The following CNTN6 variants were observed in gnomAD, a reference collection of about 807,000 sequenced individuals.
The protein encoded by CNTN6 is contactin 6, also known as contactin-6.
In CNTN6, 137 loss-of-function variants were observed where a neutral mutation model predicts 122.8. The observed-to-expected ratio is 1.12, with a 90% CI of 0.97 to 1.29. The LOEUF (loss-of-function observed/expected upper bound fraction) is 1.29, where lower values mean the gene tolerates loss of function less well. CNTN6 is among the 50% of genes most tolerant of loss of function. CNTN6 has a pLI of 0.00. For missense variants in CNTN6, 1,634 were observed against 1,223.4 expected (o/e 1.34, Z -5.01); for synonymous variants, 570 against 426.0 (o/e 1.34, Z -4.16).
Position 1,373,682 on chromosome 3 carries a change from C to A in CNTN6, c.1865C>A (p.Pro622Gln), listed in dbSNP as rs2126144216. 1.2e-6 allele frequency: 2 copies of A among 1,612,980 alleles called. No homozygotes were observed. The highest frequency in any genetic ancestry group is 1.7e-6 in the Non-Finnish European group (2 of 1,179,312). The stretch of plus-strand genomic sequence containing the variant: ...TCTCAACTAAGTTGGAGAGCAGGCC[C>A]AGATAATAACAGTCCCATTCAAATA... ...TTSQLSWRAG[P>Q]DNNSPIQIFT... Residue 622 changes from proline (P) to glutamine (Q), a missense_variant, in exon 15 of 23, where the codon CCA becomes CAA. Pro to Gln is a moderately conservative substitution (Grantham distance 76). Coordinates refer to ENST00000446702, the MANE Select transcript of CNTN6 (RefSeq NM_001289080.2).
intron 20 of CNTN6, among the ~76,000 whole-genome samples, chr3:1,394,008 G>T (rs1174701958): frequency 6.6e-6 from 1 of 151,956 alleles, no homozygotes; most frequent in African/African-American, 2.4e-5. Flanking sequence ...TTAAGCACTG[G>T]GTGGATCTGA....
intron 8 of CNTN6, among the ~76,000 whole-genome samples, chr3:1,323,906 A>T (rs951854549): frequency 1.4e-5 from 2 of 139,666 alleles, no homozygotes; most frequent in Non-Finnish European, 2.9e-5. Context: ...TGTGTTCTGT[A>T]GCCGCAATTA....
intron 4 of CNTN6, among the ~76,000 whole-genome samples, chr3:1,270,577 G>A (rs768898800): frequency 2.0e-5 from 3 of 152,114 alleles, no homozygotes; most frequent in Non-Finnish European, 2.9e-5. Context: ...CATGGGAACC[G>A]CATCGTGAAG....
chr3:1,177,210 A>C (rs1054724455), intron 2 of CNTN6, among the ~76,000 whole-genome samples: 7 of 152,322 alleles, frequency 4.6e-5, no homozygotes, highest in African/African-American at 1.7e-4. Flanking sequence ...TAGTAAACAC[A>C]ATGTTGGTTT....
chr3:1,366,592 A>G (rs1203118075), intron 12 of CNTN6, among the ~76,000 whole-genome samples: 1 of 152,090 alleles, frequency 6.6e-6, no homozygotes, highest in South Asian at 2.1e-4. Flanking sequence ...ACAGTTTTGC[A>G]TATTTCAACT....
At chr3:1,198,854 G>A (rs1052877648) in intron 2 of CNTN6, among the ~76,000 whole-genome samples, 18 of 152,252 alleles carry the variant, frequency 1.2e-4, no homozygotes, top group African/African-American at 3.9e-4. Context: ...CAGAGTCTTC[G>A]CATATGTAAT....
chr3:1,306,428 A>T (rs148730000), intron 7 of CNTN6, among the ~76,000 whole-genome samples: 1 of 152,336 alleles, frequency 6.6e-6, no homozygotes, highest in Non-Finnish European at 1.5e-5. Flanking sequence ...CAGAAATTGA[A>T]AGATAACATT....
chr3:1,376,953 T>C, intron 16 of CNTN6, 52 bp from the exon 17 acceptor site: 2 of 1,236,062 alleles, frequency 1.6e-6, no homozygotes, highest in South Asian at 1.3e-5. Context: ...TTCTTCCTGA[T>C]GAAGACGTAC....
rs897918931 is a variant in CNTN6 at position 1,374,134 on chromosome 3, A to G, written c.2095+61A>G. ...TTCGTATGATACAGTTCTTAAAACA[A>G]AACAAGTATTTTTATGTGTCTTCTA... On this transcript the variant is annotated intron_variant, in intron 16 of 22. Coordinates refer to ENST00000446702, the MANE Select transcript of CNTN6 (RefSeq NM_001289080.2). 1.7e-5 allele frequency: 26 copies of G among 1,488,202 alleles called. No individual in the cohort carries two copies. In the African/African-American group the frequency reaches 3.1e-4, roughly 18 times the overall value. 92.2% of individuals were successfully genotyped at this position (1,488,202 alleles called of 1,614,324 possible). A position where few individuals can be genotyped will look rare whatever the true frequency, so the allele number is the denominator to read the frequency against.
chr3:1,285,444 A>G (rs1255587454), intron 5 of CNTN6, among the ~76,000 whole-genome samples: 1 of 152,156 alleles, frequency 6.6e-6, no homozygotes, highest in Non-Finnish European at 1.5e-5. Context: ...CAGCTGGATT[A>G]TATGTTTAGG....
At chr3:1,360,075 A>C (rs530577404) in intron 12 of CNTN6, among the ~76,000 whole-genome samples, 1 of 152,254 alleles carries the variant, frequency 6.6e-6, no homozygotes, top group African/African-American at 2.4e-5. Flanking sequence ...ATTTTTGAGA[A>C]ATAATCCAAG....
rs770173356 is a variant in CNTN6, at chr3:1,374,157, C to T, written c.2095+84C>T. The T allele has an allele frequency of 2.9e-6, 4 of 1,377,222 alleles. No homozygotes were observed. The East Asian group carries it at 7.7e-5, about 26-fold the overall frequency. The allele number at this position is 1,377,222 out of a possible 1,614,324, so 85.3% of individuals were successfully genotyped here. ...CAAAACAAGTATTTTTATGTGTCTTCTAATACTTTTGGCTCAAAATTGTTT... is the reference window on the plus strand; with the variant it reads ...CAAAACAAGTATTTTTATGTGTCTTTTAATACTTTTGGCTCAAAATTGTTT... On this transcript the variant is annotated intron_variant, in intron 16 of 22. Transcript: ENST00000446702.
At chr3:1,257,793 C>T (rs1052695579) in intron 4 of CNTN6, among the ~76,000 whole-genome samples, 2 of 152,158 alleles carry the variant, frequency 1.3e-5, no homozygotes, top group Admixed American at 1.3e-4. Flanking sequence ...CATATTTCTC[C>T]TCTAGAGAAA....
rs562912841 is a variant in CNTN6, at chr3:1,301,024, C to CTTT, written c.761+3061_761+3063dup. Among the ~76,000 whole-genome samples, 739 of 93,216 alleles carry CTTT rather than the reference C, an allele frequency of 7.9e-3. 55 individuals are homozygous for CTTT. The highest frequency in any genetic ancestry group is 0.013 in the South Asian group (31 of 2,454). 61.2% of individuals were successfully genotyped at this position (93,216 alleles called of 152,430 possible). ...AATTTATAATACAGGAGTCCCTAAA[C>CTTT]TTTTTTTTTTTTTTTTTTTTTTTTT... is the stretch of plus-strand genomic sequence containing the variant. On this transcript the variant is annotated intron_variant, in intron 7 of 22. Transcript: ENST00000446702.
chr3:1,268,871 C>T (rs997768038), intron 4 of CNTN6, among the ~76,000 whole-genome samples: 1 of 151,992 alleles, frequency 6.6e-6, no homozygotes, highest in African/African-American at 2.4e-5. Flanking sequence ...ATCCTAGCTA[C>T]TCAGAAGGCT....
chr3:1,277,734 G>T (rs1002886200), intron 4 of CNTN6, among the ~76,000 whole-genome samples: 1 of 152,128 alleles, frequency 6.6e-6, no homozygotes, highest in African/African-American at 2.4e-5. Flanking sequence ...GAGGCTCAAA[G>T]AAGTTAAACA....
chr3:1,343,905 C>T (rs530032231), intron 11 of CNTN6, among the ~76,000 whole-genome samples: 4 of 152,220 alleles, frequency 2.6e-5, no homozygotes, highest in South Asian at 4.1e-4. Context: ...CTTATAATCC[C>T]TGTATCACCT....
At chr3:1,396,678 C>A (rs1276814806) in intron 20 of CNTN6, among the ~76,000 whole-genome samples, 3 of 152,162 alleles carry the variant, frequency 2.0e-5, no homozygotes, top group Non-Finnish European at 4.4e-5. Flanking sequence ...ACTTTCTTTG[C>A]ATTTTTTAAA....
chr3:1,274,653 G>C (rs570871968), intron 4 of CNTN6, among the ~76,000 whole-genome samples: 1 of 152,154 alleles, frequency 6.6e-6, no homozygotes, highest in East Asian at 1.9e-4. Context: ...GAGATAAACT[G>C]CGGATGTTTC....
Sources: gnomAD v4.1 joint callset for allele counts (sites outside exome capture counted in the v4.1 genomes callset) on GRCh38, gnomAD v4.1.1 for gene constraint, MANE v1.5 for transcripts, NCBI Gene and HGNC (gene_info 2026-07-23, HGNC 2026-07-21) for gene names.